The following WNT2 variants were observed in gnomAD, a reference collection of about 807,000 sequenced individuals.
WNT2 encodes the protein Wnt family member 2, also known as protein Wnt-2.
WNT2 carries 12 observed loss-of-function variants against 36.9 expected under a neutral mutation model. That is an observed-to-expected ratio of 0.33 (90% confidence interval 0.21 to 0.53). The LOEUF (loss-of-function observed/expected upper bound fraction) is 0.53, where lower values mean the gene tolerates loss of function less well. WNT2 is among the 20% of genes least tolerant of loss of function. The probability of loss-of-function intolerance (pLI) is 0.95; values close to 1 mark genes in which losing one functional copy is unlikely to be tolerated. For synonymous variants in WNT2, 163 were observed against 174.6 expected (o/e 0.93, Z 0.52); for missense variants, 379 against 473.1 (o/e 0.80, Z 1.84).
chr7:117,301,910 C>T (rs553353570), intron 3 of WNT2, among the ~76,000 whole-genome samples: 22 of 149,788 alleles, frequency 1.5e-4, no homozygotes, highest in Admixed American at 1.1e-3. Context: ...CAGGTTCAAG[C>T]GATTCTCCTG....
chr7:117,290,020 G>A (rs1461436855), intron 4 of WNT2, among the ~76,000 whole-genome samples: 1 of 152,118 alleles, frequency 6.6e-6, no homozygotes, highest in African/African-American at 2.4e-5. Context: ...AGGGCTGGGG[G>A]AAAACAAGTT....
chr7:117,304,593 G>A (rs1360193903), intron 3 of WNT2, among the ~76,000 whole-genome samples: 1 of 151,878 alleles, frequency 6.6e-6, no homozygotes, highest in African/African-American at 2.4e-5. Context: ...CCGCCACCAC[G>A]CCCAGCTAAT....
In WNT2 at chr7:117,315,116, A is replaced by ATCCTT. The variant is rs766046107; in HGVS notation, c.538_542dup (p.Asp181GlufsTer7). 3.1e-6 allele frequency: 5 copies of ATCCTT among 1,614,176 alleles called. No homozygotes were observed. The highest frequency in any genetic ancestry group is 4.2e-6 in the Non-Finnish European group (5 of 1,180,006). On this transcript the variant is annotated frameshift_variant, in exon 3 of 5. Transcript: ENST00000265441. LOFTEE classifies it high-confidence loss of function. Reference sequence around the variant, plus strand: ...TGTGAAGATTCATCAGGGCTCTGGCATCCTTTCCTTTCCTTTCCTTTGCAT... The same window carrying ATCCTT: ...TGTGAAGATTCATCAGGGCTCTGGCATCCTTTCCTTTCCTTTCCTTTCCTTTGCAT...
intron 3 of WNT2, among the ~76,000 whole-genome samples, chr7:117,314,696 A>C (rs367573953): frequency 1.2e-5 from 1 of 85,620 alleles, no homozygotes; most frequent in South Asian, 3.0e-4. Context: ...TCTGGGTCTA[A>C]TCTTTATATC....
chr7:117,292,919 A>G (rs1794717248), intron 4 of WNT2, among the ~76,000 whole-genome samples: 1 of 152,176 alleles, frequency 6.6e-6, no homozygotes, highest in Non-Finnish European at 1.5e-5. Flanking sequence ...AGGGAAAATT[A>G]GGAATCATAC....
At chr7:117,281,195 TAGAA>T in intron 4 of WNT2, among the ~76,000 whole-genome samples, 1 of 152,076 alleles carries the variant, frequency 6.6e-6, no homozygotes, top group Non-Finnish European at 1.5e-5. Context: ...ACAATGAGCA[TAGAA>T]AGGGAGGCTG....
intron 4 of WNT2, among the ~76,000 whole-genome samples, chr7:117,294,355 A>G (rs1050471226): frequency 6.6e-6 from 1 of 152,230 alleles, no homozygotes; most frequent in Non-Finnish European, 1.5e-5. Flanking sequence ...CAATAAAAAA[A>G]TTTTAACTAT....
At chr7:117,282,415 A>G (rs1238966785) in intron 4 of WNT2, among the ~76,000 whole-genome samples, 4 of 149,820 alleles carry the variant, frequency 2.7e-5, no homozygotes, top group African/African-American at 9.8e-5. Flanking sequence ...GGAGGAAGAC[A>G]AGGAGGAGGA....
intron 4 of WNT2, among the ~76,000 whole-genome samples, chr7:117,290,529 G>T (rs1209422428): frequency 1.3e-5 from 2 of 152,090 alleles, no homozygotes; most frequent in Non-Finnish European, 2.9e-5. Flanking sequence ...ATTCTCTTCT[G>T]GTCTAGCTAT....
At chr7:117,315,010 C>T in intron 3 of WNT2, 61 bp downstream of exon 3, 1 of 1,575,720 alleles carries the variant, frequency 6.3e-7, no homozygotes, top group South Asian at 1.2e-5. Context: ...AAGATAAGCT[C>T]TGCCTAAGTG....
chr7:117,312,867 T>C (rs921956000), intron 3 of WNT2, among the ~76,000 whole-genome samples: 1 of 152,240 alleles, frequency 6.6e-6, no homozygotes, highest in Admixed American at 6.5e-5. Context: ...ATGGCAGTGA[T>C]GAATTCTGAC....
chr7:117,311,770 T>A (rs1156246566), intron 3 of WNT2, among the ~76,000 whole-genome samples: 3 of 152,194 alleles, frequency 2.0e-5, no homozygotes, highest in Non-Finnish European at 4.4e-5. Context: ...TTATTAAGCA[T>A]CTATTACATG....
intron 4 of WNT2, among the ~76,000 whole-genome samples, chr7:117,280,294 T>A (rs548944233): frequency 1.3e-5 from 2 of 152,274 alleles, no homozygotes; most frequent in Non-Finnish European, 1.5e-5. Context: ...ATTTACTGAT[T>A]ATGCAGAAAG....
At chr7:117,299,494 CTTTTTT>C (rs113776491) in intron 3 of WNT2, among the ~76,000 whole-genome samples, 1 of 138,860 alleles carries the variant, frequency 7.2e-6, no homozygotes, top group Non-Finnish European at 1.6e-5. Flanking sequence ...TTCTTTCTTT[CTTTTTT>C]TTTTTTTTTT....
At chr7:117,279,047 G>A (rs759344397) in intron 4 of WNT2, among the ~76,000 whole-genome samples, 8 of 152,182 alleles carry the variant, frequency 5.3e-5, no homozygotes, top group Non-Finnish European at 7.3e-5. Flanking sequence ...GGTCCCAGGC[G>A]AAGCCAGGAT....
intron 4 of WNT2, among the ~76,000 whole-genome samples, chr7:117,279,547 G>A (rs1000764147): frequency 6.6e-6 from 1 of 152,178 alleles, no homozygotes; most frequent in Non-Finnish European, 1.5e-5. Context: ...GTGGACTCGA[G>A]GAGGTCCACA....
intron 4 of WNT2, 127 bp downstream of exon 4, chr7:117,297,485 A>T (rs1794814756): frequency 7.9e-7 from 1 of 1,264,420 alleles, no homozygotes; most frequent in African/African-American, 1.5e-5. Context: ...CAGTTTCAAT[A>T]AGAATGATAA....
At chr7:117,303,788 T>G (rs1401689825) in intron 3 of WNT2, among the ~76,000 whole-genome samples, 2 of 152,220 alleles carry the variant, frequency 1.3e-5, no homozygotes, top group African/African-American at 4.8e-5. Flanking sequence ...TCACAAACCT[T>G]TGTATCAATG....
At chr7:117,288,711 C>A (rs1180731377) in intron 4 of WNT2, among the ~76,000 whole-genome samples, 2 of 150,564 alleles carry the variant, frequency 1.3e-5, no homozygotes, top group African/African-American at 4.9e-5. Context: ...TGAAAAGTAT[C>A]TTTTTTTTTA....
Sources: gnomAD v4.1 joint callset for allele counts (sites outside exome capture counted in the v4.1 genomes callset) on GRCh38, gnomAD v4.1.1 for gene constraint, MANE v1.5 for transcripts, NCBI Gene and HGNC (gene_info 2026-07-23, HGNC 2026-07-21) for gene names.